The following CPEB3 variants were observed in gnomAD, a reference collection of about 807,000 sequenced individuals.
The protein encoded by CPEB3 is cytoplasmic polyadenylation element binding protein 3.
A neutral mutation model predicts 67.2 loss-of-function variants in CPEB3; 20 were observed. That is an observed-to-expected ratio of 0.30 (90% confidence interval 0.21 to 0.43). The LOEUF is 0.43. Among genes scored for constraint, CPEB3 ranks in the 20% least tolerant of loss-of-function variants. The pLI, the probability that CPEB3 is intolerant of heterozygous loss-of-function variation, is 1.00. For missense variants in CPEB3, 746 were observed against 968.6 expected (o/e 0.77, Z 3.05); for synonymous variants, 376 against 393.1 (o/e 0.96, Z 0.51).
At chr10:92,272,179 A>T (rs1590593105) in intron 1 of CPEB3, 1 of 152,338 alleles carries the variant, frequency 6.6e-6, no homozygotes, top group East Asian at 1.9e-4. Flanking sequence ...GTGAGGGGGC[A>T]GAAATAGTAG....
chr10:92,152,847 C>A (rs753170999), intron 4 of CPEB3, among the ~76,000 whole-genome samples: 3 of 152,158 alleles, frequency 2.0e-5, no homozygotes, highest in Non-Finnish European at 4.4e-5. Context: ...TCTCTCCCTA[C>A]AAGAGTGACC....
intron 9 of CPEB3, among the ~76,000 whole-genome samples, chr10:92,063,304 C>T (rs1215185421): frequency 6.6e-6 from 1 of 152,188 alleles, no homozygotes; most frequent in Non-Finnish European, 1.5e-5. Flanking sequence ...GTAAACTATT[C>T]GCAGGTGCAG....
chr10:92,262,378 G>A (rs1168387489), intron 1 of CPEB3, among the ~76,000 whole-genome samples: 1 of 152,174 alleles, frequency 6.6e-6, no homozygotes, highest in East Asian at 1.9e-4. Flanking sequence ...CATATTACTT[G>A]CAATGATATG....
intron 2 of CPEB3, among the ~76,000 whole-genome samples, chr10:92,195,046 A>C (rs10650614): frequency 0.17 from 19,414 of 116,926 alleles, 1,337 homozygotes; most frequent in Non-Finnish European, 0.22. Context: ...TGTCTCAAAA[A>C]ACACACACAC....
intron 1 of CPEB3, among the ~76,000 whole-genome samples, chr10:92,283,005 C>T (rs1366109255): frequency 1.3e-5 from 2 of 152,200 alleles, no homozygotes; most frequent in African/African-American, 4.8e-5. Context: ...AATCCCAGAA[C>T]TTTGGGAGGC....
At chr10:92,123,388 GGC>G (rs1845477025) in intron 6 of CPEB3, among the ~76,000 whole-genome samples, 1 of 75,520 alleles carries the variant, frequency 1.3e-5, no homozygotes, top group Admixed American at 1.4e-4. Flanking sequence ...TTAAGTCACA[GGC>G]AAGGACCAAG....
intron 4 of CPEB3, among the ~76,000 whole-genome samples, chr10:92,179,949 G>A (rs1232603662): frequency 6.6e-6 from 1 of 152,222 alleles, no homozygotes; most frequent in African/African-American, 2.4e-5. Flanking sequence ...TGTCTCCCAT[G>A]TGTATTGAGA....
intron 4 of CPEB3, among the ~76,000 whole-genome samples, chr10:92,164,525 C>T (rs193035378): frequency 1.4e-4 from 22 of 152,218 alleles, no homozygotes; most frequent in African/African-American, 5.1e-4. Context: ...GTTTTGTTTG[C>T]CTTTTCTATG....
At chr10:92,247,361 G>C (rs1471945603) in intron 1 of CPEB3, among the ~76,000 whole-genome samples, 1 of 151,956 alleles carries the variant, frequency 6.6e-6, no homozygotes, top group Non-Finnish European at 1.5e-5. Context: ...GGGACTACAG[G>C]CACGCACCAC....
chr10:92,247,596 C>T (rs531982587), intron 1 of CPEB3, among the ~76,000 whole-genome samples: 10 of 152,192 alleles, frequency 6.6e-5, no homozygotes, highest in African/African-American at 2.4e-4. Flanking sequence ...GGGGTTTCTC[C>T]GTGTTGGTCA....
intron 9 of CPEB3, among the ~76,000 whole-genome samples, chr10:92,081,024 TCTG>T (rs1442112778): frequency 6.6e-6 from 1 of 152,084 alleles, no homozygotes; most frequent in African/African-American, 2.4e-5. Context: ...GCTCTCCACC[TCTG>T]CTAACATACT....
At chr10:92,175,295 T>A (rs1266478393) in intron 4 of CPEB3, among the ~76,000 whole-genome samples, 1 of 151,770 alleles carries the variant, frequency 6.6e-6, no homozygotes, top group Non-Finnish European at 1.5e-5. Flanking sequence ...GACAGTCATT[T>A]ATGTTGCTGC....
chr10:92,182,284 A>G (rs1848494220), intron 3 of CPEB3, among the ~76,000 whole-genome samples: 1 of 152,232 alleles, frequency 6.6e-6, no homozygotes, highest in African/African-American at 2.4e-5. Context: ...TTTATATTAC[A>G]TAATTGCAAA....
intron 1 of CPEB3, among the ~76,000 whole-genome samples, chr10:92,269,640 C>T (rs966317729): frequency 6.6e-6 from 1 of 152,188 alleles, no homozygotes; most frequent in African/African-American, 2.4e-5. Context: ...TCACCACAAC[C>T]TCTGCCTCCC....
At chr10:92,252,792 T>A (rs1308273344) in intron 1 of CPEB3, among the ~76,000 whole-genome samples, 2 of 152,114 alleles carry the variant, frequency 1.3e-5, no homozygotes, top group Admixed American at 6.6e-5. Context: ...AGTGCTGAGA[T>A]TACATGTGTG....
rs533538215 is a variant in CPEB3 at position 92,271,861 on chromosome 10, T to C, written c.-12+19065A>G. ...TAATGATTCTTACCCGCATCATTTATTCTTGTGGTGTTTGCAAATGGTGAT... is the reference window on the plus strand; with the variant it reads ...TAATGATTCTTACCCGCATCATTTACTCTTGTGGTGTTTGCAAATGGTGAT... On this transcript the variant is annotated intron_variant, in intron 1 of 9. Transcript: ENST00000265997. Among the ~76,000 whole-genome samples, 3 of 152,316 alleles carry C rather than the reference T, an allele frequency of 2.0e-5. No individual in the cohort carries two copies. The East Asian group carries it at 5.8e-4, about 29-fold the overall frequency.
chr10:92,192,585 A>C lies in CPEB3; in HGVS notation c.1057T>G (p.Leu353Val), dbSNP rs1849032166. The change falls in exon 3 of 10, where the codon TTA becomes GTA. Residue 353 changes from leucine to valine, a missense_variant. Leu to Val is a conservative substitution (Grantham distance 32). This residue lies in a region of CPEB3 where 643 missense variants were observed against 717.5 expected (regional missense o/e 0.90). Coordinates refer to ENST00000265997, the MANE Select transcript of CPEB3 (RefSeq NM_014912.5). ...TFNLHSLENS[L>V]MDMIRTDHEP... ...TGATCAGTCCTTATCATATCCATTAAGGAGTTCTCCAACGAGTGCAAGTTA... is the reference window on the plus strand; with the variant it reads ...TGATCAGTCCTTATCATATCCATTACGGAGTTCTCCAACGAGTGCAAGTTA... The C allele has an allele frequency of 6.2e-7, 1 of 1,613,692 alleles. No homozygotes were observed. Among genetic ancestry groups the C allele is most frequent in the South Asian group, 1.1e-5 (1 of 90,972 alleles).
intron 4 of CPEB3, among the ~76,000 whole-genome samples, chr10:92,163,712 T>C (rs556890776): frequency 6.6e-6 from 1 of 152,330 alleles, no homozygotes; most frequent in Admixed American, 6.5e-5. Flanking sequence ...TGACTTATAA[T>C]GGCAGATAAG....
chr10:92,118,046 A>T (rs899918497), intron 6 of CPEB3, among the ~76,000 whole-genome samples: 3 of 152,254 alleles, frequency 2.0e-5, no homozygotes, highest in African/African-American at 7.2e-5. Context: ...CTCATCTAAA[A>T]ATGGCAAGAT....
Sources: allele counts gnomAD v4.1 joint callset (sites outside exome capture counted in the v4.1 genomes callset), GRCh38; gene constraint gnomAD v4.1.1; regional missense constraint gnomAD v4.1.1; transcripts MANE v1.5; gene names NCBI Gene and HGNC (gene_info 2026-07-23, HGNC 2026-07-21).